XPO6: variants seen among roughly 807,000 people sequenced by gnomAD.
The protein encoded by XPO6 is exportin-6.
A neutral mutation model predicts 130.0 loss-of-function variants in XPO6; 3 were observed. The ratio of observed to expected loss-of-function variants is 0.02; its 90% confidence interval spans 0.01 to 0.06. The LOEUF is 0.06. XPO6 is among the 10% of genes least tolerant of loss of function. XPO6 has a pLI of 1.00. For synonymous variants in XPO6, 524 were observed against 548.9 expected (o/e 0.95, Z 0.63); for missense variants, 970 against 1,393.0 (o/e 0.70, Z 4.83).
At chr16:28,169,626 C>G in intron 5 of XPO6, 124 bp downstream of exon 5, 1 of 1,258,826 alleles carries the variant, frequency 7.9e-7, no homozygotes, top group Non-Finnish European at 1.1e-6. Flanking sequence ...GGGAACGCAG[C>G]TTCCCATTTT....
intron 11 of XPO6, among the ~76,000 whole-genome samples, chr16:28,133,357 C>T (rs1372150452): frequency 6.6e-6 from 1 of 152,032 alleles, no homozygotes; most frequent in African/African-American, 2.4e-5. Flanking sequence ...AAAAATTACC[C>T]TAATAACTGC....
chr16:28,118,616 C>G (rs527361702), intron 14 of XPO6, among the ~76,000 whole-genome samples: 1 of 152,324 alleles, frequency 6.6e-6, no homozygotes, highest in African/African-American at 2.4e-5. Flanking sequence ...CTTGGCCTCC[C>G]AAAGGGCTGG....
chr16:28,135,814 T>C (rs2042764675), intron 9 of XPO6, among the ~76,000 whole-genome samples: 1 of 152,176 alleles, frequency 6.6e-6, no homozygotes, highest in Non-Finnish European at 1.5e-5. Context: ...GTAATGTAAT[T>C]ACTGATAAGG....
chr16:28,182,536 A>G (rs1031862553), intron 1 of XPO6, among the ~76,000 whole-genome samples: 4 of 152,194 alleles, frequency 2.6e-5, no homozygotes, highest in African/African-American at 9.6e-5. Context: ...CTTGTGAGTG[A>G]GAGAGACTTT....
chr16:28,139,676 C>T (rs1209742380), intron 9 of XPO6, among the ~76,000 whole-genome samples: 1 of 151,802 alleles, frequency 6.6e-6, no homozygotes, highest in East Asian at 1.9e-4. Flanking sequence ...TCCATACCAC[C>T]CTTGTGGTAA....
chr16:28,163,597 C>CG (rs914999854), intron 6 of XPO6, among the ~76,000 whole-genome samples: 11 of 152,118 alleles, frequency 7.2e-5, no homozygotes, highest in African/African-American at 1.9e-4. Flanking sequence ...CCTCAGCAGG[C>CG]GGGGGGGCAA....
intron 21 of XPO6, among the ~76,000 whole-genome samples, chr16:28,103,777 G>C (rs2086705634): frequency 6.6e-6 from 1 of 152,256 alleles, no homozygotes; most frequent in Admixed American, 6.5e-5. Context: ...ACAAGAGTCA[G>C]TATGTGTGTG....
intron 1 of XPO6, among the ~76,000 whole-genome samples, chr16:28,196,468 A>G (rs1279521151): frequency 2.0e-5 from 3 of 152,200 alleles, no homozygotes; most frequent in African/African-American, 7.2e-5. Context: ...GAGTGATGAA[A>G]AAGTGTGAAA....
intron 9 of XPO6, among the ~76,000 whole-genome samples, chr16:28,137,057 A>T (rs2042793767): frequency 6.6e-6 from 1 of 152,268 alleles, no homozygotes; most frequent in Admixed American, 6.5e-5. Context: ...CCAGCAACAG[A>T]CACCTGGCAG....
At position 28,163,945 on chromosome 16, in the gene XPO6, T is replaced by C. The variant is rs74014228; in HGVS notation, c.643+2563A>G. On this transcript the variant is annotated intron_variant, in intron 6 of 23. Coordinates refer to ENST00000304658, the MANE Select transcript of XPO6 (RefSeq NM_015171.4). ...GATCTCGTGAGGTGAGTGATCACTA[T>C]TGCAGCCAGTTTAGGAGTTAAGGTA... 3.4e-3 allele frequency among the ~76,000 whole-genome samples: 515 copies of C among 152,322 alleles called. 3 individuals are homozygous for C. Among genetic ancestry groups the C allele is most frequent in the African/African-American group, 0.012 (492 of 41,560 alleles).
At chr16:28,127,141 A>G (rs1249529288) in intron 12 of XPO6, among the ~76,000 whole-genome samples, 2 of 152,128 alleles carry the variant, frequency 1.3e-5, no homozygotes, top group African/African-American at 4.8e-5. Flanking sequence ...CAGCTCTCTC[A>G]TGGCCTCGCC....
At chr16:28,117,104 T>C (rs2141257308) in intron 15 of XPO6, 5 of 549,730 alleles carry the variant, frequency 9.1e-6, no homozygotes, top group Middle Eastern at 5.1e-4. Context: ...GAGCATGTAT[T>C]CATGTGGAAC....
chr16:28,142,947 G>A (rs887261434), intron 9 of XPO6, among the ~76,000 whole-genome samples: 2 of 152,212 alleles, frequency 1.3e-5, no homozygotes, highest in African/African-American at 4.8e-5. Context: ...CTGCCCTCAA[G>A]TGATCCTCCT....
Position 28,111,804 on chromosome 16 carries a change from A to T in XPO6, c.2341+13T>A. The T allele has an allele frequency of 6.2e-7, 1 of 1,613,430 alleles. No individual in the cohort carries two copies. Among genetic ancestry groups the T allele is most frequent in the Non-Finnish European group, 8.5e-7 (1 of 1,179,502 alleles). ...CCTCCTTCCCCAGCTGTCCTAGCCT[A>T]GGGGTCACTTACTGTCATCCAGTGG... On this transcript the variant is annotated intron_variant, in intron 17 of 23. Transcript: ENST00000304658.
intron 12 of XPO6, among the ~76,000 whole-genome samples, chr16:28,131,356 G>T (rs971607328): frequency 1.3e-5 from 2 of 152,178 alleles, no homozygotes; most frequent in Non-Finnish European, 2.9e-5. Flanking sequence ...CAGGAGATGG[G>T]CTGCACACTG....
At chr16:28,165,820 A>G (rs2043348261) in intron 6 of XPO6, among the ~76,000 whole-genome samples, 1 of 152,262 alleles carries the variant, frequency 6.6e-6, no homozygotes, top group Non-Finnish European at 1.5e-5. Flanking sequence ...CATTTAGTGT[A>G]AACAGCAGCA....
intron 21 of XPO6, among the ~76,000 whole-genome samples, chr16:28,104,333 C>T (rs1411229496): frequency 6.6e-6 from 1 of 152,212 alleles, no homozygotes; most frequent in Non-Finnish European, 1.5e-5. Flanking sequence ...TGTATGTCAT[C>T]TCATTTAACC....
At chr16:28,167,589 T>C (rs1301781322) in intron 5 of XPO6, among the ~76,000 whole-genome samples, 2 of 152,314 alleles carry the variant, frequency 1.3e-5, no homozygotes, top group Non-Finnish European at 2.9e-5. Context: ...TTCCTGCACA[T>C]AAAACATACC....
chr16:28,202,234 C>A (rs902367784), intron 1 of XPO6, among the ~76,000 whole-genome samples: 1 of 152,232 alleles, frequency 6.6e-6, no homozygotes, highest in Non-Finnish European at 1.5e-5. Flanking sequence ...TTCATCCTTA[C>A]TGAGGGACCT....
Sources: allele counts gnomAD v4.1 joint callset (sites outside exome capture counted in the v4.1 genomes callset), GRCh38; gene constraint gnomAD v4.1.1; transcripts MANE v1.5; gene names NCBI Gene and HGNC (gene_info 2026-07-23, HGNC 2026-07-21).